The following CNIH3 variants were observed in gnomAD, a reference collection of about 807,000 sequenced individuals.
CNIH3 encodes protein cornichon homolog 3.
A neutral mutation model predicts 24.1 loss-of-function variants in CNIH3; 14 were observed. The ratio of observed to expected loss-of-function variants is 0.58; its 90% CI spans 0.38 to 0.91. The LOEUF is 0.91. CNIH3 is among the 40% of genes least tolerant of loss of function. CNIH3 has a pLI of 0.00. For missense variants in CNIH3, 178 were observed against 196.8 expected (o/e 0.90, Z 0.57); for synonymous variants, 68 against 73.8 (o/e 0.92, Z 0.40).
chr1:224,519,646 G>A (rs1394498583), intron 1 of CNIH3, among the ~76,000 whole-genome samples: 1 of 149,436 alleles, frequency 6.7e-6, no homozygotes, highest in African/African-American at 2.4e-5. Context: ...TACATTTTGT[G>A]TGTGTACTCT....
chr1:224,465,439 T>C (rs1205471595), intron 1 of CNIH3, among the ~76,000 whole-genome samples: 3 of 152,254 alleles, frequency 2.0e-5, no homozygotes, highest in African/African-American at 7.2e-5. Context: ...CATCACAGTC[T>C]ACCTTCAAGT....
intron 1 of CNIH3, among the ~76,000 whole-genome samples, chr1:224,437,951 C>T (rs528677800): frequency 1.1e-4 from 17 of 148,020 alleles, no homozygotes; most frequent in South Asian, 2.1e-4. Flanking sequence ...TTCGCTCTGT[C>T]GCCCAGGCTG....
At chr1:224,696,989 T>C (rs6661687) in intron 3 of CNIH3, among the ~76,000 whole-genome samples, 3,115 of 152,326 alleles carry the variant, frequency 0.02, 75 homozygotes, top group African/African-American at 0.055. Context: ...CTGCAACTGC[T>C]ACATTGCTTA....
In CNIH3 at chr1:224,715,072, A is replaced by G. The variant is rs568764052; in HGVS notation, c.199-15390A>G. Among the ~76,000 whole-genome samples, 25 of 152,258 alleles carry G rather than the reference A, an allele frequency of 1.6e-4. No individual in the cohort carries two copies. In the South Asian group the frequency reaches 3.9e-3, roughly 24 times the overall value. ...ACCCCTTGTTCACACGCGTCTCCCT[A>G]GTTCCTGCCCTCTTCCTGCCTGCTT... On this transcript the variant is annotated intron_variant, in intron 3 of 5. Transcript: ENST00000272133.
chr1:224,531,449 G>A (rs1679066544), intron 2 of CNIH3, among the ~76,000 whole-genome samples: 1 of 152,200 alleles, frequency 6.6e-6, no homozygotes. Context: ...GCTTTCTAGG[G>A]AGAGCAGTGT....
chr1:224,493,038 C>A lies in CNIH3; in HGVS notation n.204-22703C>A, dbSNP rs532987283. Among the ~76,000 whole-genome samples, 19 of 152,290 alleles carry A rather than the reference C, an allele frequency of 1.2e-4. No homozygotes were observed. In the South Asian group the frequency reaches 3.9e-3, roughly 32 times the overall value. On this transcript the variant is annotated intron_variant and non_coding_transcript_variant, in intron 1 of 5. Coordinates refer to the CNIH3 transcript ENST00000471578. Reference sequence around the variant, plus strand: ...TTTATAAGGATTGAGTCAACGATTTCCCTGGAGAGTGAGGGCATTGACCCA... The same window carrying A: ...TTTATAAGGATTGAGTCAACGATTTACCTGGAGAGTGAGGGCATTGACCCA...
intron 4 of CNIH3, among the ~76,000 whole-genome samples, chr1:224,579,960 G>T (rs1681202555): frequency 6.6e-6 from 1 of 152,166 alleles, no homozygotes; most frequent in Admixed American, 6.5e-5. Context: ...AACGGACAAA[G>T]ACAGAGTGAA....
intron 4 of CNIH3, among the ~76,000 whole-genome samples, chr1:224,582,761 A>T (rs1462194475): frequency 6.6e-6 from 1 of 152,216 alleles, no homozygotes; most frequent in Non-Finnish European, 1.5e-5. Flanking sequence ...TTTTCTCAAT[A>T]CTAAGATGGT....
intron 3 of CNIH3, among the ~76,000 whole-genome samples, chr1:224,610,492 G>A (rs1475191094): frequency 6.6e-6 from 1 of 152,160 alleles, no homozygotes; most frequent in Admixed American, 6.5e-5. Context: ...CTGCTGCCAT[G>A]TAAGATGTGC....
chr1:224,582,061 AGG>A (rs1364707736), intron 4 of CNIH3, among the ~76,000 whole-genome samples: 1 of 152,050 alleles, frequency 6.6e-6, no homozygotes, highest in African/African-American at 2.4e-5. Context: ...AATTGGACAG[AGG>A]GGGTGTGGGG....
intron 4 of CNIH3, among the ~76,000 whole-genome samples, chr1:224,734,070 G>A (rs1363774079): frequency 2.0e-5 from 3 of 152,244 alleles, no homozygotes; most frequent in Admixed American, 6.5e-5. Flanking sequence ...TTCTTTTTGA[G>A]TTCTAGGTCC....
At chr1:224,438,814 T>C (rs931750377) in intron 1 of CNIH3, among the ~76,000 whole-genome samples, 4 of 152,220 alleles carry the variant, frequency 2.6e-5, no homozygotes, top group Non-Finnish European at 5.9e-5. Context: ...GTGGGGATAA[T>C]GACATTGGCA....
intron 2 of CNIH3, among the ~76,000 whole-genome samples, chr1:224,531,972 A>G (rs1679088149): frequency 1.3e-5 from 2 of 152,318 alleles, no homozygotes; most frequent in East Asian, 3.9e-4. Context: ...AATAAAAAAG[A>G]CAAAGATTCC....
chr1:224,714,025 G>T (rs1688298833), intron 3 of CNIH3, among the ~76,000 whole-genome samples: 2 of 152,152 alleles, frequency 1.3e-5, no homozygotes. Flanking sequence ...ATGTTGTCCA[G>T]GCTGGTTTTG....
intron 3 of CNIH3, among the ~76,000 whole-genome samples, chr1:224,554,245 C>T (rs2794809): frequency 0.019 from 2,956 of 152,256 alleles, 106 homozygotes; most frequent in African/African-American, 0.067. Context: ...GAAGCATCTC[C>T]ACCTTTGCAC....
chr1:224,561,158 G>T (rs1205062444), intron 3 of CNIH3, among the ~76,000 whole-genome samples: 1 of 152,078 alleles, frequency 6.6e-6, no homozygotes, highest in Non-Finnish European at 1.5e-5. Flanking sequence ...GTATTAAAAT[G>T]ACACTTTCCC....
intron 3 of CNIH3, among the ~76,000 whole-genome samples, chr1:224,610,342 C>T (rs1034545654): frequency 2.6e-5 from 4 of 152,156 alleles, no homozygotes; most frequent in Admixed American, 1.3e-4. Context: ...TTCCATGTGT[C>T]GAGGGAGGAA....
intron 2 of CNIH3, among the ~76,000 whole-genome samples, chr1:224,532,448 C>T (rs372244924): frequency 6.6e-6 from 1 of 152,020 alleles, no homozygotes; most frequent in African/African-American, 2.4e-5. Context: ...CAGACCTTGT[C>T]GAGGGCAAAG....
At chr1:224,662,410 A>G (rs551528348) in intron 1 of CNIH3, among the ~76,000 whole-genome samples, 1 of 152,332 alleles carries the variant, frequency 6.6e-6, no homozygotes, top group African/African-American at 2.4e-5. Context: ...ATTCAGCTCT[A>G]TTAAACTAAT....
Sources: gnomAD v4.1 joint callset for allele counts (sites outside exome capture counted in the v4.1 genomes callset) on GRCh38, gnomAD v4.1.1 for gene constraint, MANE v1.5 for transcripts, NCBI Gene and HGNC (gene_info 2026-07-23, HGNC 2026-07-21) for gene names.